Variants in CSMD1 observed in about 807,000 individuals in gnomAD.
CSMD1 encodes CUB and Sushi multiple domains 1, also known as CUB and sushi domain-containing protein 1.
In CSMD1, 213 loss-of-function variants were observed where a neutral mutation model predicts 417.5. That is an observed-to-expected ratio of 0.51 (90% confidence interval 0.46 to 0.57). The LOEUF is 0.57. Ranked by LOEUF, CSMD1 falls within the 20% of genes least tolerant of loss-of-function variation. CSMD1 has a pLI of 0.00. For synonymous variants in CSMD1, 2,862 were observed against 1,736.8 expected (o/e 1.65, Z -16.11); for missense variants, 6,923 against 4,529.7 (o/e 1.53, Z -15.17).
chr8:4,035,422 A>C (rs1445100544), intron 3 of CSMD1, among the ~76,000 whole-genome samples: 1 of 152,206 alleles, frequency 6.6e-6, no homozygotes, highest in African/African-American at 2.4e-5. Flanking sequence ...ACTGTAAAAC[A>C]ACCTTAGTCA....
rs749143273 is a variant in CSMD1, at chr8:4,419,949, C to A, written c.415+4G>T. 9 of 1,552,756 alleles carry A rather than the reference C, an allele frequency of 5.8e-6. No homozygotes were observed. Among genetic ancestry groups the A allele is most frequent in the East Asian group, 2.3e-5 (1 of 42,560 alleles). Reference sequence around the variant, plus strand: ...GCATGTGCAAAACACAACCAATCTCCTACCTTCATATAATGCTTTGAAACC... The same window carrying A: ...GCATGTGCAAAACACAACCAATCTCATACCTTCATATAATGCTTTGAAACC... On this transcript the variant is annotated splice_donor_region_variant and intron_variant, in intron 3 of 69. Coordinates refer to ENST00000635120, the MANE Select transcript of CSMD1 (RefSeq NM_033225.6).
chr8:4,227,629 C>G (rs1333712265), intron 3 of CSMD1, among the ~76,000 whole-genome samples: 2 of 152,038 alleles, frequency 1.3e-5, no homozygotes. Context: ...AGACACTCGG[C>G]CTTCTTCCTA....
intron 3 of CSMD1, among the ~76,000 whole-genome samples, chr8:4,041,027 T>A (rs7818266): frequency 0.21 from 29,548 of 141,030 alleles, 2,833 homozygotes; most frequent in Admixed American, 0.26. Flanking sequence ...CTTTTTTTTT[T>A]TTTTTTTGAG....
chr8:4,474,181 G>T (rs142554898), intron 2 of CSMD1, among the ~76,000 whole-genome samples: 1 of 152,020 alleles, frequency 6.6e-6, no homozygotes, highest in East Asian at 1.9e-4. Flanking sequence ...AATAATCTTC[G>T]TAAGTGAAAA....
chr8:3,879,831 G>A (rs532183937), intron 5 of CSMD1, among the ~76,000 whole-genome samples: 1 of 140,050 alleles, frequency 7.1e-6, no homozygotes, highest in South Asian at 2.2e-4. Flanking sequence ...ACCGGTGTGC[G>A]TGTGCGTGTG....
At chr8:3,256,971 T>TA (rs749322528) in intron 26 of CSMD1, among the ~76,000 whole-genome samples, 18 of 152,116 alleles carry the variant, frequency 1.2e-4, no homozygotes, top group Non-Finnish European at 1.5e-4. Flanking sequence ...GAAGAGAAAA[T>TA]AAAATATTTG....
Position 3,289,511 on chromosome 8 carries a change from C to G in CSMD1, c.3951-5165G>C, listed in dbSNP as rs535527699. Among the ~76,000 whole-genome samples, 31 of 145,106 alleles carry G rather than the reference C, an allele frequency of 2.1e-4. 4 individuals are homozygous for G. The highest frequency in any genetic ancestry group is 8.5e-4 in the African/African-American group (31 of 36,426). On this transcript the variant is annotated intron_variant, in intron 25 of 69. Coordinates refer to ENST00000635120, the MANE Select transcript of CSMD1 (RefSeq NM_033225.6). ...TGTTTTTTCCTGACTTGTTAATGATCGCCATTCTAACTGGTGTGAGATGGT... is the reference window on the plus strand; with the variant it reads ...TGTTTTTTCCTGACTTGTTAATGATGGCCATTCTAACTGGTGTGAGATGGT...
At chr8:4,175,841 G>A (rs915556785) in intron 3 of CSMD1, among the ~76,000 whole-genome samples, 1 of 152,116 alleles carries the variant, frequency 6.6e-6, no homozygotes, top group Non-Finnish European at 1.5e-5. Context: ...GAAAGTAACT[G>A]GAAAGAAATA....
chr8:4,292,952 A>C (rs67250161), intron 3 of CSMD1, among the ~76,000 whole-genome samples: 15,818 of 152,274 alleles, frequency 0.1, 1,013 homozygotes, highest in Non-Finnish European at 0.14. Flanking sequence ...AGGGACCCAC[A>C]AAGCACTCCA....
chr8:4,825,144 C>G (rs760166278), intron 1 of CSMD1, among the ~76,000 whole-genome samples: 3 of 152,060 alleles, frequency 2.0e-5, no homozygotes, highest in Non-Finnish European at 4.4e-5. Flanking sequence ...TCAACATTTT[C>G]TACCTGAAGA....
At chr8:4,293,769 G>T (rs1033396567) in intron 3 of CSMD1, among the ~76,000 whole-genome samples, 1 of 152,094 alleles carries the variant, frequency 6.6e-6, no homozygotes, top group African/African-American at 2.4e-5. Context: ...ATATCAGTTT[G>T]GTACAAATAA....
intron 3 of CSMD1, among the ~76,000 whole-genome samples, chr8:4,046,931 G>A (rs1036072260): frequency 6.6e-6 from 1 of 152,084 alleles, no homozygotes; most frequent in African/African-American, 2.4e-5. Flanking sequence ...GGCCAAGAGG[G>A]AACTTGAGTC....
chr8:3,281,838 T>G (rs575214155), intron 26 of CSMD1, among the ~76,000 whole-genome samples: 1 of 152,210 alleles, frequency 6.6e-6, no homozygotes, highest in South Asian at 2.1e-4. Context: ...AGGTAGTGCC[T>G]GGAGGGGTTG....
intron 1 of CSMD1, among the ~76,000 whole-genome samples, chr8:4,699,928 T>C (rs1310907022): frequency 6.6e-6 from 1 of 152,220 alleles, no homozygotes; most frequent in Admixed American, 6.5e-5. Context: ...CCTATCTGGA[T>C]ACACAAGCTA....
intron 30 of CSMD1, among the ~76,000 whole-genome samples, chr8:3,208,279 T>C (rs568785764): frequency 1.3e-5 from 2 of 152,260 alleles, no homozygotes; most frequent in East Asian, 3.9e-4. Context: ...AGTAATTCTT[T>C]TCAAGAACAT....
chr8:3,627,003 A>G (rs570440773), intron 7 of CSMD1, among the ~76,000 whole-genome samples: 7 of 152,102 alleles, frequency 4.6e-5, no homozygotes, highest in African/African-American at 1.7e-4. Context: ...ATAAAAGGAA[A>G]TAAGTTCAAG....
chr8:3,003,834 T>C (rs904156477), intron 52 of CSMD1, among the ~76,000 whole-genome samples: 12 of 152,202 alleles, frequency 7.9e-5, no homozygotes, highest in African/African-American at 1.4e-4. Context: ...GAAAAGGTGA[T>C]GGCAAGACAT....
In CSMD1 at chr8:4,866,877, T is replaced by C. The variant is rs901391341; in HGVS notation, c.85+127455A>G. On this transcript the variant is annotated intron_variant, in intron 1 of 69. Transcript: ENST00000635120. ...ACCATTAATATAAAACTTTTACATT[T>C]TGTGACCTCCTTAATTATAATTTAT... Among the ~76,000 whole-genome samples, 42 of 152,120 alleles carry C rather than the reference T, an allele frequency of 2.8e-4. 1 individual carries two copies. Among genetic ancestry groups the C allele is most frequent in the African/African-American group, 9.6e-4 (40 of 41,486 alleles).
intron 5 of CSMD1, among the ~76,000 whole-genome samples, chr8:3,907,063 G>C (rs777354621): frequency 2.0e-5 from 3 of 152,094 alleles, no homozygotes; most frequent in Non-Finnish European, 2.9e-5. Context: ...GTTTCCAAAT[G>C]TCGTAGCTAG....
Sources: gnomAD v4.1 joint callset for allele counts (sites outside exome capture counted in the v4.1 genomes callset) on GRCh38, gnomAD v4.1.1 for gene constraint, MANE v1.5 for transcripts, NCBI Gene and HGNC (gene_info 2026-07-23, HGNC 2026-07-21) for gene names.